The following PLPP3 variants were observed in gnomAD, a reference collection of about 807,000 sequenced individuals.
The protein encoded by PLPP3 is phospholipid phosphatase 3.
Under a neutral mutation model 29.6 loss-of-function variants are expected in PLPP3, and 6 were observed. The observed-to-expected ratio is 0.20, with a 90% CI of 0.11 to 0.40. The LOEUF (loss-of-function observed/expected upper bound fraction) is 0.40, where lower values mean the gene tolerates loss of function less well. Ranked by LOEUF, PLPP3 falls within the 10% of genes least tolerant of loss-of-function variation. The pLI is 1.00. For synonymous variants in PLPP3, 152 were observed against 159.7 expected (o/e 0.95, Z 0.36); for missense variants, 308 against 407.7 (o/e 0.76, Z 2.11).
chr1:56,529,731 T>A (rs974091558), intron 2 of PLPP3, among the ~76,000 whole-genome samples: 3 of 152,336 alleles, frequency 2.0e-5, no homozygotes, highest in South Asian at 4.1e-4. Flanking sequence ...CTGATTCTTC[T>A]GTCACTTGGT....
At chr1:56,563,776 C>T (rs1196141727) in intron 1 of PLPP3, among the ~76,000 whole-genome samples, 2 of 152,230 alleles carry the variant, frequency 1.3e-5, no homozygotes, top group African/African-American at 4.8e-5. Context: ...TCAACCTCCA[C>T]CTTCATAGTG....
At chr1:56,553,680 G>A (rs1472515210) in intron 1 of PLPP3, among the ~76,000 whole-genome samples, 1 of 152,120 alleles carries the variant, frequency 6.6e-6, no homozygotes, top group Non-Finnish European at 1.5e-5. Flanking sequence ...CCATACCTAA[G>A]ACTAAATTCG....
At chr1:56,540,025 G>A (rs1180071035) in intron 1 of PLPP3, among the ~76,000 whole-genome samples, 1 of 152,106 alleles carries the variant, frequency 6.6e-6, no homozygotes, top group Non-Finnish European at 1.5e-5. Flanking sequence ...TGATAGGCCT[G>A]TAAAACATAT....
intron 1 of PLPP3, among the ~76,000 whole-genome samples, chr1:56,561,486 T>G (rs1163282014): frequency 6.6e-6 from 1 of 152,138 alleles, no homozygotes; most frequent in Admixed American, 6.6e-5. Flanking sequence ...GCTTTATAAT[T>G]ATACTTAATA....
In PLPP3 at chr1:56,547,562, G is replaced by A. The variant is rs144566607; in HGVS notation, c.140-10450C>T. ...CTCAGATGGGTGGTTAGGCCGGATGGCTAAGAATAAGACACTTATCTTCAG... is the reference window on the plus strand; with the variant it reads ...CTCAGATGGGTGGTTAGGCCGGATGACTAAGAATAAGACACTTATCTTCAG... On this transcript the variant is annotated intron_variant, in intron 1 of 5. Coordinates refer to ENST00000371250, the MANE Select transcript of PLPP3 (RefSeq NM_003713.5). 2.2e-4 allele frequency among the ~76,000 whole-genome samples: 34 copies of A among 152,240 alleles called. No individual in the cohort carries two copies. In the East Asian group the frequency reaches 6.6e-3, roughly 29 times the overall value.
chr1:56,515,926 A>C (rs535523460), intron 4 of PLPP3, among the ~76,000 whole-genome samples: 1 of 152,314 alleles, frequency 6.6e-6, no homozygotes, highest in Non-Finnish European at 1.5e-5. Flanking sequence ...CCAGGATCAA[A>C]GGAGATGACA....
intron 1 of PLPP3, among the ~76,000 whole-genome samples, chr1:56,551,825 T>G (rs1646041521): frequency 6.6e-6 from 1 of 152,200 alleles, no homozygotes; most frequent in African/African-American, 2.4e-5. Flanking sequence ...TCACAAAACC[T>G]AGGCTGGGGT....
At chr1:56,537,541 T>C (rs1645936797) in intron 1 of PLPP3, among the ~76,000 whole-genome samples, 1 of 152,222 alleles carries the variant, frequency 6.6e-6, no homozygotes, top group South Asian at 2.1e-4. Context: ...AAGGCTGTGC[T>C]GCCTGGGGTA....
In PLPP3 at chr1:56,579,480, T is replaced by G; in HGVS notation, c.-464A>C. The G allele has an allele frequency of 5.6e-6, 1 of 178,202 alleles. No individual in the cohort carries two copies. Among genetic ancestry groups the G allele is most frequent in the Non-Finnish European group, 1.2e-5 (1 of 86,028 alleles). The allele number at this position is 178,202 out of a possible 1,614,324, so 11.0% of individuals were successfully genotyped here. ...CTCTAACTTTGCCTCCTCCTCCTCCTCCTCCTCCGGCTCCTCCTGCTCCTC... is the reference window on the plus strand; with the variant it reads ...CTCTAACTTTGCCTCCTCCTCCTCCGCCTCCTCCGGCTCCTCCTGCTCCTC... On this transcript the variant is annotated 5_prime_UTR_variant, in exon 1 of 6. Coordinates refer to ENST00000371250, the MANE Select transcript of PLPP3 (RefSeq NM_003713.5).
At chr1:56,538,654 C>T (rs1028731284) in intron 1 of PLPP3, 7 of 304,816 alleles carry the variant, frequency 2.3e-5, no homozygotes, top group Non-Finnish European at 4.3e-5. Context: ...CTGCAGTGTT[C>T]CCCAGCATGC....
chr1:56,576,880 C>T (rs1646240314), intron 1 of PLPP3, among the ~76,000 whole-genome samples: 1 of 152,128 alleles, frequency 6.6e-6, no homozygotes, highest in Non-Finnish European at 1.5e-5. Flanking sequence ...TTTTTACATC[C>T]CTGGCTAAAC....
chr1:56,546,051 G>C (rs1646003686), intron 1 of PLPP3, among the ~76,000 whole-genome samples: 1 of 152,356 alleles, frequency 6.6e-6, no homozygotes, highest in Non-Finnish European at 1.5e-5. Flanking sequence ...GAGATGTTCC[G>C]TTTGGCCTAC....
At chr1:56,558,496 G>A (rs1358375886) in intron 1 of PLPP3, among the ~76,000 whole-genome samples, 1 of 152,172 alleles carries the variant, frequency 6.6e-6, no homozygotes, top group Non-Finnish European at 1.5e-5. Flanking sequence ...TATAAACCCA[G>A]GTAGCACTCT....
intron 1 of PLPP3, among the ~76,000 whole-genome samples, chr1:56,541,606 CAA>C (rs1181061139): frequency 1.3e-5 from 2 of 152,076 alleles, no homozygotes; most frequent in Admixed American, 6.6e-5. Context: ...CCCTAAGGTT[CAA>C]AGAGATTAAA....
intron 4 of PLPP3, among the ~76,000 whole-genome samples, chr1:56,518,985 C>T (rs958849090): frequency 2.0e-5 from 3 of 150,136 alleles, no homozygotes; most frequent in African/African-American, 7.4e-5. Flanking sequence ...ACAGGGTAGT[C>T]AGGAAAGGCT....
intron 1 of PLPP3, among the ~76,000 whole-genome samples, chr1:56,570,125 C>T (rs565082570): frequency 6.6e-6 from 1 of 152,314 alleles, no homozygotes; most frequent in East Asian, 1.9e-4. Context: ...GAATCATCTG[C>T]AGAAGACAAG....
At position 56,579,079 on chromosome 1, in the gene PLPP3, C is replaced by A; in HGVS notation, c.-63G>T. 1 of 1,557,616 alleles carries A rather than the reference C, an allele frequency of 6.4e-7. No individual in the cohort carries two copies. The highest frequency in any genetic ancestry group is 2.6e-5 in the East Asian group (1 of 38,962). ...ACGTCCCGCAACAGCAGCCACACACCCAGGCGCCCGGGTCGCCTCCTGGCC... is the reference window on the plus strand; with the variant it reads ...ACGTCCCGCAACAGCAGCCACACACACAGGCGCCCGGGTCGCCTCCTGGCC... On this transcript the variant is annotated 5_prime_UTR_variant, in exon 1 of 6. Coordinates refer to ENST00000371250, the MANE Select transcript of PLPP3 (RefSeq NM_003713.5).
At chr1:56,555,773 C>T (rs1011536105) in intron 1 of PLPP3, among the ~76,000 whole-genome samples, 1 of 152,116 alleles carries the variant, frequency 6.6e-6, no homozygotes, top group Non-Finnish European at 1.5e-5. Context: ...CCTCCCACAT[C>T]GCTGGGGATT....
intron 2 of PLPP3, among the ~76,000 whole-genome samples, chr1:56,534,075 A>C (rs1422761586): frequency 2.0e-5 from 3 of 152,198 alleles, no homozygotes; most frequent in African/African-American, 7.2e-5. Context: ...TTTAAAATGA[A>C]TACTTAGCAT....
Sources: allele counts gnomAD v4.1 joint callset (sites outside exome capture counted in the v4.1 genomes callset), GRCh38; gene constraint gnomAD v4.1.1; transcripts MANE v1.5; gene names NCBI Gene and HGNC (gene_info 2026-07-23, HGNC 2026-07-21).